The following ETV5 variants were observed in gnomAD, a reference collection of about 807,000 sequenced individuals.
ETV5 encodes ETS translocation variant 5.
A neutral mutation model predicts 70.0 loss-of-function variants in ETV5; 10 were observed. The ratio of observed to expected loss-of-function variants is 0.14; its 90% confidence interval spans 0.09 to 0.24. The LOEUF (loss-of-function observed/expected upper bound fraction) is 0.24, where lower values mean the gene tolerates loss of function less well. Among genes scored for constraint, ETV5 ranks in the 10% least tolerant of loss-of-function variants. The pLI is 1.00. For missense variants in ETV5, 453 were observed against 651.2 expected (o/e 0.70, Z 3.31); for synonymous variants, 216 against 242.2 (o/e 0.89, Z 1.01).
intron 9 of ETV5, among the ~76,000 whole-genome samples, chr3:186,059,791 T>A (rs908036969): frequency 3.9e-5 from 6 of 152,254 alleles, no homozygotes; most frequent in African/African-American, 1.4e-4. Flanking sequence ...CGTATCTTGG[T>A]ATCTTAGTGT....
chr3:186,048,329 T>G lies in ETV5; in HGVS notation c.*310A>C. ...ATGTCCCGTTTTGCGGGTACTAACC[T>G]GAACAAGATATTGCTTTGCATGTAT... On this transcript the variant is annotated 3_prime_UTR_variant, in exon 13 of 13. Transcript: ENST00000306376. 2.3e-6 allele frequency: 1 copy of G among 426,434 alleles called. No homozygotes were observed. The highest frequency in any genetic ancestry group is 4.3e-6 in the Non-Finnish European group (1 of 232,250). 26.4% of individuals were successfully genotyped at this position (426,434 alleles called of 1,614,324 possible).
At chr3:186,095,605 C>G (rs1378603637) in intron 5 of ETV5, among the ~76,000 whole-genome samples, 1 of 152,216 alleles carries the variant, frequency 6.6e-6, no homozygotes, top group East Asian at 1.9e-4. Flanking sequence ...TCAGCAAGTA[C>G]GTCAAGGGTG....
In ETV5 at chr3:186,086,712, T is replaced by C. The variant is rs148829607; in HGVS notation, c.233-5537A>G. Among the ~76,000 whole-genome samples, 798 of 151,908 alleles carry C rather than the reference T, an allele frequency of 5.3e-3. 2 individuals are homozygous for C. Among genetic ancestry groups the C allele is most frequent in the African/African-American group, 0.019 (774 of 41,408 alleles). On this transcript the variant is annotated intron_variant, in intron 5 of 12. Transcript: ENST00000306376. ...GGCTCATGCCTGTAATCCCAGCACTTTGGGAGGCTAAGGTAGGGCAGATCG... is the reference window on the plus strand; with the variant it reads ...GGCTCATGCCTGTAATCCCAGCACTCTGGGAGGCTAAGGTAGGGCAGATCG...
At chr3:186,072,821 G>A (rs909449784) in intron 7 of ETV5, among the ~76,000 whole-genome samples, 29 of 152,206 alleles carry the variant, frequency 1.9e-4, no homozygotes, top group Non-Finnish European at 3.7e-4. Context: ...GATGGTGAAA[G>A]TATTAGTTGT....
chr3:186,073,973 A>T (rs1427871915), intron 7 of ETV5, among the ~76,000 whole-genome samples: 1 of 152,232 alleles, frequency 6.6e-6, no homozygotes, highest in Non-Finnish European at 1.5e-5. Context: ...TAAGTTGGAA[A>T]AACAGAATAA....
chr3:186,091,308 G>A (rs1714177588), intron 5 of ETV5, among the ~76,000 whole-genome samples: 1 of 152,188 alleles, frequency 6.6e-6, no homozygotes, highest in South Asian at 2.1e-4. Context: ...TCATGGTGGT[G>A]GAAGGGAGTT....
Position 186,105,382 on chromosome 3 carries a change from C to T in ETV5, c.182-27G>A, listed in dbSNP as rs1714563229. On this transcript the variant is annotated intron_variant, in intron 4 of 12. Transcript: ENST00000306376. The surrounding 1 kb of genome is among the most constrained non-coding windows in gnomAD (Gnocchi z 4.5). ...TGGAAAATAGATTTTTATTTTAGAC[C>T]TTTAAGTTTTATTAAAAAGCACAGT... The T allele has an allele frequency of 6.2e-7, 1 of 1,611,502 alleles. No individual in the cohort carries two copies. Among genetic ancestry groups the T allele is most frequent in the South Asian group, 1.1e-5 (1 of 90,262 alleles).
chr3:186,073,489 C>T (rs1438798807), intron 7 of ETV5, among the ~76,000 whole-genome samples: 1 of 152,138 alleles, frequency 6.6e-6, no homozygotes, highest in East Asian at 1.9e-4. Flanking sequence ...GCGATTCAAC[C>T]CCAGATCTGT....
At chr3:186,051,927 TA>T in intron 12 of ETV5, 102 bp downstream of exon 12, 2 of 1,142,180 alleles carry the variant, frequency 1.8e-6, no homozygotes, top group Non-Finnish European at 1.3e-6. Flanking sequence ...CTTAGGGGGC[TA>T]AAATTTCCTC....
At chr3:186,081,852 C>G (rs1417884047) in intron 5 of ETV5, among the ~76,000 whole-genome samples, 1 of 152,174 alleles carries the variant, frequency 6.6e-6, no homozygotes, top group Non-Finnish European at 1.5e-5. Context: ...CTGCTCCAGG[C>G]CTGTCTCAGT....
chr3:186,053,314 C>A (rs1396350621), intron 11 of ETV5, among the ~76,000 whole-genome samples: 3 of 152,110 alleles, frequency 2.0e-5, no homozygotes, highest in Non-Finnish European at 4.4e-5. Flanking sequence ...GTTGGCCAGG[C>A]TGGTCACAAA....
chr3:186,081,298 A>C, intron 5 of ETV5, 123 bp from the exon 6 acceptor site: 2 of 1,022,172 alleles, frequency 2.0e-6, no homozygotes, highest in Non-Finnish European at 2.7e-6. Context: ...GTCAAGTCAC[A>C]TGTCAGAAAA....
chr3:186,101,333 G>A (rs1714453836), intron 5 of ETV5, among the ~76,000 whole-genome samples: 1 of 152,152 alleles, frequency 6.6e-6, no homozygotes, highest in Non-Finnish European at 1.5e-5. Flanking sequence ...CTAGGCTGGG[G>A]TACAGTGGTG....
Position 186,083,597 on chromosome 3 carries a change from C to T in ETV5, c.233-2422G>A, listed in dbSNP as rs148206090. Among the ~76,000 whole-genome samples, 85 of 152,292 alleles carry T rather than the reference C, an allele frequency of 5.6e-4. 1 individual carries two copies. In the East Asian group the frequency reaches 0.016, roughly 28 times the overall value. On this transcript the variant is annotated intron_variant, in intron 5 of 12. Transcript: ENST00000306376. ...TTGATTTCTTCAAATCCAGACAGTACTTAGTGTGTACCACATCATTTTGGC... is the reference window on the plus strand; with the variant it reads ...TTGATTTCTTCAAATCCAGACAGTATTTAGTGTGTACCACATCATTTTGGC...
rs781711077 is a variant in ETV5 at position 186,065,836 on chromosome 3, G to C, written c.887C>G (p.Pro296Arg). ...ACCTGAATCGACGCAGTAATCCCGA[G>C]GCTCCTGCTTGATTCCCATTGGTGA... The part of the protein sequence containing the change: ...FQSPMGIKQE[P>R]RDYCVDSEVP... Residue 296 changes from proline (P) to arginine (R), a missense_variant, in exon 8 of 13, where the codon CCT (proline) becomes CGT (arginine). Coordinates refer to ENST00000306376, the MANE Select transcript of ETV5 (RefSeq NM_004454.3). 6 of 1,614,108 alleles carry C rather than the reference G, an allele frequency of 3.7e-6. No individual in the cohort carries two copies. The highest frequency in any genetic ancestry group is 2.5e-6 in the Non-Finnish European group (3 of 1,180,030).
At chr3:186,069,518 TTTA>T (rs1219898252) in intron 7 of ETV5, among the ~76,000 whole-genome samples, 1 of 140,478 alleles carries the variant, frequency 7.1e-6, no homozygotes, top group Non-Finnish European at 1.6e-5. Context: ...TTTTTTTTTT[TTTA>T]AAAAAAGTCT....
chr3:186,058,981 C>T (rs1195784985), intron 9 of ETV5, among the ~76,000 whole-genome samples: 3 of 149,906 alleles, frequency 2.0e-5, no homozygotes, highest in South Asian at 2.1e-4. Context: ...CTATTGTACT[C>T]CTGCCTGTGC....
rs1713886541 is a variant in ETV5, at chr3:186,079,842, C to G, written c.625G>C (p.Glu209Gln). The change falls in exon 7 of 13, where the codon GAA (glutamate) becomes CAA (glutamine). Residue 209 changes from glutamate (E) to glutamine (Q), a missense_variant. Glu to Gln is a conservative substitution (Grantham distance 29). Around this residue, in one of 4 missense-constraint regions of ETV5, gnomAD observed 307 missense variants for 344.9 expected, o/e 0.89. Coordinates refer to ENST00000306376, the MANE Select transcript of ETV5 (RefSeq NM_004454.3). ...QPLQMPKMMP[E>Q]NQYPSEQRFQ... ...CTCTGTTCTGATGGATACTGGTTTT[C>G]AGGCATCATCTTTGGCATCTGCAGG... The G allele has an allele frequency of 6.2e-7, 1 of 1,608,638 alleles. No individual in the cohort carries two copies. The highest frequency in any genetic ancestry group is 1.3e-5 in the African/African-American group (1 of 74,538).
chr3:186,069,226 C>T (rs191817107), intron 7 of ETV5, among the ~76,000 whole-genome samples: 1 of 152,328 alleles, frequency 6.6e-6, no homozygotes, highest in Admixed American at 6.5e-5. Flanking sequence ...GGGCAATTTA[C>T]ATGTACTTAT....
Sources: gnomAD v4.1 joint callset for allele counts (sites outside exome capture counted in the v4.1 genomes callset) on GRCh38, gnomAD v4.1.1 for gene constraint, gnomAD v4.1.1 regional missense constraint, Gnocchi (gnomAD v3.1) non-coding constraint, MANE v1.5 for transcripts, NCBI Gene and HGNC (gene_info 2026-07-23, HGNC 2026-07-21) for gene names.